OPCML: variants seen among roughly 807,000 people sequenced by gnomAD.
OPCML encodes opioid binding protein/cell adhesion molecule like.
A neutral mutation model predicts 37.8 loss-of-function variants in OPCML; 13 were observed. The observed-to-expected ratio is 0.34, with a 90% CI of 0.22 to 0.55. OPCML has a LOEUF of 0.55. OPCML is among the 20% of genes least tolerant of loss of function. The pLI, the probability that OPCML is intolerant of heterozygous loss-of-function variation, is 0.91. For missense variants in OPCML, 341 were observed against 435.6 expected (o/e 0.78, Z 1.93); for synonymous variants, 176 against 168.8 (o/e 1.04, Z -0.33).
At chr11:133,501,422 T>C (rs1451056452) in intron 1 of OPCML, among the ~76,000 whole-genome samples, 1 of 152,232 alleles carries the variant, frequency 6.6e-6, no homozygotes, top group African/African-American at 2.4e-5. Flanking sequence ...CCCTTTTATA[T>C]TGGTCTGCCA....
chr11:132,938,450 G>T (rs118070246), intron 2 of OPCML, among the ~76,000 whole-genome samples: 2 of 152,126 alleles, frequency 1.3e-5, no homozygotes, highest in Admixed American at 1.3e-4. Flanking sequence ...GAGGAAGAAC[G>T]AGATGGAGCA....
intron 1 of OPCML, among the ~76,000 whole-genome samples, chr11:133,048,305 C>A (rs576065703): frequency 3.9e-5 from 6 of 152,042 alleles, no homozygotes; most frequent in Admixed American, 2.0e-4. Context: ...TTAACTCAAT[C>A]GACAAATAGT....
At chr11:132,451,766 T>C (rs1053564355) in intron 4 of OPCML, among the ~76,000 whole-genome samples, 5 of 152,130 alleles carry the variant, frequency 3.3e-5, no homozygotes, top group African/African-American at 1.2e-4. Flanking sequence ...CTCATGTAGA[T>C]TGGTGGAGAA....
chr11:132,579,036 AG>A (rs2096456792), intron 3 of OPCML, among the ~76,000 whole-genome samples: 1 of 152,222 alleles, frequency 6.6e-6, no homozygotes, highest in Non-Finnish European at 1.5e-5. Flanking sequence ...CTAAAAGGAT[AG>A]AAACAACTGA....
chr11:133,197,642 G>A (rs1938587152), intron 1 of OPCML, among the ~76,000 whole-genome samples: 1 of 152,176 alleles, frequency 6.6e-6, no homozygotes, highest in South Asian at 2.1e-4. Flanking sequence ...CTCTCTGGAA[G>A]GCTGACAAAT....
At chr11:133,029,344 T>C (rs1450580146) in intron 1 of OPCML, among the ~76,000 whole-genome samples, 1 of 152,188 alleles carries the variant, frequency 6.6e-6, no homozygotes, top group African/African-American at 2.4e-5. Context: ...AGAACTACCA[T>C]TCGACCCAGC....
At chr11:132,935,221 G>C (rs1945331463) in intron 2 of OPCML, among the ~76,000 whole-genome samples, 1 of 151,708 alleles carries the variant, frequency 6.6e-6, no homozygotes, top group Admixed American at 6.6e-5. Context: ...AAACTTCAGA[G>C]AGCATTCAGA....
intron 1 of OPCML, among the ~76,000 whole-genome samples, chr11:133,159,291 G>A (rs73023595): frequency 6.6e-6 from 1 of 152,272 alleles, no homozygotes; most frequent in Non-Finnish European, 1.5e-5. Flanking sequence ...GAAAGGGAGA[G>A]GTCAGAGGTC....
chr11:132,850,365 T>C (rs1021362299), intron 2 of OPCML, among the ~76,000 whole-genome samples: 1 of 152,200 alleles, frequency 6.6e-6, no homozygotes, highest in Admixed American at 6.5e-5. Context: ...AAAAGGCTCA[T>C]AAACATTTGC....
intron 1 of OPCML, among the ~76,000 whole-genome samples, chr11:133,403,543 G>A (rs1375348546): frequency 3.3e-5 from 5 of 152,172 alleles, no homozygotes; most frequent in Admixed American, 3.3e-4. Context: ...TGAGGGAGTA[G>A]GCTAAATTGG....
chr11:132,489,109 G>A (rs1247232618), intron 4 of OPCML, among the ~76,000 whole-genome samples: 1 of 152,080 alleles, frequency 6.6e-6, no homozygotes, highest in African/African-American at 2.4e-5. Context: ...TATTCCTTAA[G>A]CTTTTTCCAA....
chr11:132,903,313 A>C (rs886894462), intron 2 of OPCML, among the ~76,000 whole-genome samples: 2 of 152,188 alleles, frequency 1.3e-5, no homozygotes, highest in Non-Finnish European at 2.9e-5. Flanking sequence ...TATAATATTT[A>C]TGCCATAAAC....
chr11:133,475,495 C>T (rs1377594420), intron 1 of OPCML, among the ~76,000 whole-genome samples: 1 of 152,084 alleles, frequency 6.6e-6, no homozygotes, highest in Non-Finnish European at 1.5e-5. Context: ...ACAAGAAGCA[C>T]CAGACAGAAA....
In OPCML at chr11:132,714,750, A is replaced by G. The variant is rs1161543228; in HGVS notation, c.147-57431T>C. Among the ~76,000 whole-genome samples the G allele has an allele frequency of 3.3e-5, 5 of 152,290 alleles. No individual in the cohort carries two copies. In the East Asian group the frequency reaches 9.7e-4, roughly 29 times the overall value. ...TGCGGCCTGAAATACATATCTTTTCAAGGACACACCGGTTTTCCATTCGAC... is the reference window on the plus strand; with the variant it reads ...TGCGGCCTGAAATACATATCTTTTCGAGGACACACCGGTTTTCCATTCGAC... On this transcript the variant is annotated intron_variant, in intron 2 of 7. Coordinates refer to ENST00000524381, the MANE Select transcript of OPCML (RefSeq NM_001012393.5).
rs574799533 is a variant in OPCML, at chr11:132,950,637, TA to T, written c.62-7628del. On this transcript the variant is annotated intron_variant, in intron 1 of 7. Coordinates refer to ENST00000524381, the MANE Select transcript of OPCML (RefSeq NM_001012393.5). ...TGAAAGCTTGCTTTCCTAATTATCA[TA>T]AAAAATAGTGGTAAAGCTCTGCTGT... Among the ~76,000 whole-genome samples the T allele has an allele frequency of 4.6e-5, 7 of 152,240 alleles. No homozygotes were observed. The East Asian group carries it at 1.2e-3, about 25-fold the overall frequency.
At chr11:132,991,553 A>G (rs1946777903) in intron 1 of OPCML, among the ~76,000 whole-genome samples, 2 of 152,244 alleles carry the variant, frequency 1.3e-5, no homozygotes, top group Non-Finnish European at 2.9e-5. Flanking sequence ...AAATAATTTG[A>G]AAGGGCTCTA....
chr11:133,469,153 T>C (rs751915219), intron 1 of OPCML, among the ~76,000 whole-genome samples: 2 of 152,218 alleles, frequency 1.3e-5, no homozygotes, highest in African/African-American at 2.4e-5. Context: ...TGTATCTTTA[T>C]ACTCCCTTTC....
intron 1 of OPCML, among the ~76,000 whole-genome samples, chr11:133,317,820 A>C (rs1433584844): frequency 1.3e-5 from 2 of 152,302 alleles, no homozygotes; most frequent in East Asian, 3.9e-4. Context: ...GCCTATACCT[A>C]AGTGTACCAC....
intron 2 of OPCML, among the ~76,000 whole-genome samples, chr11:132,866,563 G>A (rs955086786): frequency 3.9e-5 from 6 of 152,176 alleles, no homozygotes; most frequent in East Asian, 1.9e-4. Context: ...AGGAACAATC[G>A]TGGATTTTGA....
Sources: gnomAD v4.1 joint callset for allele counts (sites outside exome capture counted in the v4.1 genomes callset) on GRCh38, gnomAD v4.1.1 for gene constraint, MANE v1.5 for transcripts, NCBI Gene and HGNC (gene_info 2026-07-23, HGNC 2026-07-21) for gene names.